TMEM132D: variants seen among roughly 807,000 people sequenced by gnomAD.
TMEM132D encodes the protein mature OL transmembrane protein.
A neutral mutation model predicts 62.3 loss-of-function variants in TMEM132D; 21 were observed. The ratio of observed to expected loss-of-function variants is 0.34; its 90% CI spans 0.24 to 0.49. The LOEUF is 0.49. TMEM132D is among the 20% of genes least tolerant of loss of function. The pLI is 0.99. For missense variants in TMEM132D, 1,346 were observed against 1,402.8 expected, an observed-to-expected ratio of 0.96 and a Z score of 0.65; for synonymous variants, 621 against 575.6, an observed-to-expected ratio of 1.08 and a Z score of -1.13.
At chr12:129,853,645 T>C (rs556765147) in intron 1 of TMEM132D, 1 of 152,204 alleles carries the variant, frequency 6.6e-6, no homozygotes, top group Non-Finnish European at 1.5e-5. Context: ...CGTGGCTGAA[T>C]GTTGGATTTG....
intron 2 of TMEM132D, among the ~76,000 whole-genome samples, chr12:129,664,351 T>C (rs1009698344): frequency 6.6e-6 from 1 of 152,068 alleles, no homozygotes; most frequent in Non-Finnish European, 1.5e-5. Flanking sequence ...AGAAAAAGAA[T>C]GTGCTAATGG....
At chr12:129,160,559 T>C (rs375151291) in intron 5 of TMEM132D, among the ~76,000 whole-genome samples, 1 of 152,170 alleles carries the variant, frequency 6.6e-6, no homozygotes, top group Non-Finnish European at 1.5e-5. Flanking sequence ...AGACAAGCCA[T>C]AGAGAGAGAC....
intron 5 of TMEM132D, among the ~76,000 whole-genome samples, chr12:129,086,201 C>CGCGCGTGT (rs1349816832): frequency 3.5e-4 from 49 of 141,128 alleles, no homozygotes; most frequent in African/African-American, 1.2e-3. Context: ...CACGCGCGCG[C>CGCGCGTGT]GTGTGTGTGT....
chr12:129,472,917 C>T (rs534249952), intron 3 of TMEM132D, among the ~76,000 whole-genome samples: 1 of 151,858 alleles, frequency 6.6e-6, no homozygotes, highest in Non-Finnish European at 1.5e-5. Flanking sequence ...TGTTGCCCAG[C>T]GCAGTGGCCT....
At chr12:129,320,974 C>A (rs1206589323) in intron 4 of TMEM132D, among the ~76,000 whole-genome samples, 1 of 149,584 alleles carries the variant, frequency 6.7e-6, no homozygotes, top group Non-Finnish European at 1.5e-5. Context: ...ATCTATCTAT[C>A]TACCTACCTA....
chr12:129,862,731 T>C (rs1370647869), intron 1 of TMEM132D, among the ~76,000 whole-genome samples: 1 of 152,186 alleles, frequency 6.6e-6, no homozygotes. Context: ...AGTCTGGGCT[T>C]CAAAAGCACT....
intron 5 of TMEM132D, among the ~76,000 whole-genome samples, chr12:129,207,557 A>G (rs77577754): frequency 0.062 from 9,480 of 152,120 alleles, 636 homozygotes; most frequent in East Asian, 0.31. Flanking sequence ...CATCCAGGGA[A>G]AGAGAGTTAA....
At chr12:129,396,865 C>A (rs1157566573) in intron 3 of TMEM132D, among the ~76,000 whole-genome samples, 1 of 152,156 alleles carries the variant, frequency 6.6e-6, no homozygotes, top group African/African-American at 2.4e-5. Flanking sequence ...TGGAGGCAAT[C>A]TATGCCTATC....
intron 2 of TMEM132D, among the ~76,000 whole-genome samples, chr12:129,622,393 C>T (rs1275915718): frequency 6.6e-6 from 1 of 152,078 alleles, no homozygotes; most frequent in Non-Finnish European, 1.5e-5. Context: ...ACTAGGGAAT[C>T]CTTGGATATC....
chr12:129,884,649 C>A (rs543191817), intron 1 of TMEM132D, among the ~76,000 whole-genome samples: 1 of 152,330 alleles, frequency 6.6e-6, no homozygotes, highest in East Asian at 1.9e-4. Context: ...ACAGCTGGAA[C>A]CTTACACATT....
At chr12:129,781,085 A>C (rs1379012271) in intron 1 of TMEM132D, among the ~76,000 whole-genome samples, 1 of 152,242 alleles carries the variant, frequency 6.6e-6, no homozygotes, top group African/African-American at 2.4e-5. Context: ...TTATGCCATC[A>C]AAAGCTTTGT....
rs2137099621 is a variant in TMEM132D, at chr12:129,543,384, G to C, written c.969-12179C>G. Among the ~76,000 whole-genome samples the C allele has an allele frequency of 2.3e-5, 3 of 130,318 alleles. No homozygotes were observed. In the South Asian group the frequency reaches 7.7e-4, roughly 33 times the overall value. 85.5% of individuals were successfully genotyped at this position (130,318 alleles called of 152,430 possible). A position where few individuals can be genotyped will look rare whatever the true frequency, so the allele number is the denominator to read the frequency against. ...TGGATGGATGGATGTAAGGATGGAT[G>C]GATGGATGGATGGATGGATGGATAG... On this transcript the variant is annotated intron_variant, in intron 2 of 8. Transcript: ENST00000422113.
intron 5 of TMEM132D, among the ~76,000 whole-genome samples, chr12:129,127,330 C>T (rs1489335062): frequency 6.6e-6 from 1 of 152,192 alleles, no homozygotes; most frequent in Non-Finnish European, 1.5e-5. Flanking sequence ...ACAAATGCCT[C>T]TTTGGCCCCA....
intron 3 of TMEM132D, among the ~76,000 whole-genome samples, chr12:129,505,454 A>G (rs910199353): frequency 1.3e-5 from 2 of 152,156 alleles, no homozygotes; most frequent in African/African-American, 4.8e-5. Context: ...CATGTTAGCC[A>G]GGATGGTCTT....
At chr12:129,214,227 A>G (rs777564767) in intron 4 of TMEM132D, among the ~76,000 whole-genome samples, 2 of 152,146 alleles carry the variant, frequency 1.3e-5, no homozygotes, top group Non-Finnish European at 2.9e-5. Flanking sequence ...GTAATCTGTC[A>G]TGCAGTGGTC....
intron 5 of TMEM132D, among the ~76,000 whole-genome samples, chr12:129,160,428 A>C (rs1877369812): frequency 6.6e-6 from 1 of 152,240 alleles, no homozygotes; most frequent in African/African-American, 2.4e-5. Flanking sequence ...TCAAGACTTT[A>C]GTTTGCATTA....
chr12:129,364,712 G>A (rs1238573909), intron 3 of TMEM132D, among the ~76,000 whole-genome samples: 5 of 152,120 alleles, frequency 3.3e-5, no homozygotes, highest in Admixed American at 6.5e-5. Context: ...CTTGAAGAAG[G>A]TGCATTCATT....
At chr12:129,255,949 C>T (rs1044041680) in intron 4 of TMEM132D, among the ~76,000 whole-genome samples, 1 of 152,226 alleles carries the variant, frequency 6.6e-6, no homozygotes, top group East Asian at 1.9e-4. Context: ...CCAGGACCAC[C>T]TCTGCTGTGG....
At chr12:129,564,367 C>A (rs1877313637) in intron 2 of TMEM132D, among the ~76,000 whole-genome samples, 1 of 152,190 alleles carries the variant, frequency 6.6e-6, no homozygotes. Flanking sequence ...AATTAACAGA[C>A]TAAAAGGAAC....
Sources: allele counts gnomAD v4.1 joint callset (sites outside exome capture counted in the v4.1 genomes callset), GRCh38; gene constraint gnomAD v4.1.1; transcripts MANE v1.5; gene names NCBI Gene and HGNC (gene_info 2026-07-23, HGNC 2026-07-21).